Variants in IPCEF1 observed in about 807,000 individuals in gnomAD.
The protein encoded by IPCEF1 is interactor protein for cytohesin exchange factors 1.
IPCEF1 carries 31 observed loss-of-function variants against 50.9 expected under a neutral mutation model. The observed-to-expected ratio is 0.61, with a 90% CI of 0.46 to 0.82. The LOEUF is 0.82. IPCEF1 is among the 40% of genes least tolerant of loss of function. IPCEF1 has a pLI of 0.00. For synonymous variants in IPCEF1, 181 were observed against 192.0 expected (o/e 0.94, Z 0.47); for missense variants, 458 against 514.0 (o/e 0.89, Z 1.05).
chr6:154,283,110 A>G (rs1046991224), intron 2 of IPCEF1, among the ~76,000 whole-genome samples: 4 of 151,978 alleles, frequency 2.6e-5, no homozygotes, highest in South Asian at 2.1e-4. Context: ...CCTGGTCAAC[A>G]TGGTGAAACC....
At chr6:154,282,922 A>G (rs2128665064) in intron 2 of IPCEF1, among the ~76,000 whole-genome samples, 1 of 152,296 alleles carries the variant, frequency 6.6e-6, no homozygotes, top group Admixed American at 6.5e-5. Flanking sequence ...AAGCCAAAAC[A>G]GCAGGAAGCA....
At chr6:154,301,934 G>C (rs1222843748) in intron 1 of IPCEF1, among the ~76,000 whole-genome samples, 1 of 152,194 alleles carries the variant, frequency 6.6e-6, no homozygotes. Context: ...AATAAACAGC[G>C]TGGTGCCTGA....
At chr6:154,279,618 C>T (rs1282313582) in intron 2 of IPCEF1, among the ~76,000 whole-genome samples, 2 of 152,208 alleles carry the variant, frequency 1.3e-5, no homozygotes, top group Non-Finnish European at 2.9e-5. Context: ...ATTGAAAATA[C>T]TGTCATTTCC....
At chr6:154,214,986 T>C (rs1778270431) in intron 7 of IPCEF1, among the ~76,000 whole-genome samples, 1 of 152,200 alleles carries the variant, frequency 6.6e-6, no homozygotes, top group Admixed American at 6.5e-5. Context: ...AACACAAATT[T>C]TTAAAAGCTG....
At chr6:154,237,879 T>C (rs184103057) in intron 5 of IPCEF1, among the ~76,000 whole-genome samples, 113 of 152,318 alleles carry the variant, frequency 7.4e-4, no homozygotes, top group African/African-American at 2.5e-3. Context: ...TCAATACTTA[T>C]ACATTTATGC....
intron 5 of IPCEF1, among the ~76,000 whole-genome samples, chr6:154,223,600 C>A (rs182213944): frequency 4.4e-4 from 67 of 152,308 alleles, no homozygotes; most frequent in African/African-American, 1.5e-3. Flanking sequence ...ACAGCATCTT[C>A]TATTCCTACG....
At chr6:154,220,343 C>A (rs550626232) in intron 7 of IPCEF1, among the ~76,000 whole-genome samples, 1 of 152,318 alleles carries the variant, frequency 6.6e-6, no homozygotes, top group African/African-American at 2.4e-5. Context: ...CAATCAGCAC[C>A]TCAAATACAG....
chr6:154,252,360 T>C (rs1393285428), intron 3 of IPCEF1, among the ~76,000 whole-genome samples: 1 of 152,108 alleles, frequency 6.6e-6, no homozygotes, highest in Non-Finnish European at 1.5e-5. Flanking sequence ...CTTCCAGTAC[T>C]GTCAGTGTGA....
At chr6:154,340,909 A>G (rs550869454) in intron 1 of IPCEF1, among the ~76,000 whole-genome samples, 10 of 107,384 alleles carry the variant, frequency 9.3e-5, no homozygotes, top group African/African-American at 2.9e-4. Flanking sequence ...AAATATATAT[A>G]TGTGTGTATA....
intron 1 of IPCEF1, among the ~76,000 whole-genome samples, chr6:154,312,273 G>A (rs1006247671): frequency 1.3e-5 from 2 of 152,186 alleles, no homozygotes; most frequent in Non-Finnish European, 1.5e-5. Context: ...GTCAAACCTA[G>A]AGAAACAGGG....
chr6:154,268,862 C>A (rs565524622), intron 2 of IPCEF1, among the ~76,000 whole-genome samples: 88 of 151,936 alleles, frequency 5.8e-4, no homozygotes, highest in African/African-American at 2.0e-3. Context: ...TCTAATTTTT[C>A]AACTCTCTGA....
At chr6:154,335,973 T>C (rs940272231) in intron 1 of IPCEF1, among the ~76,000 whole-genome samples, 11 of 152,228 alleles carry the variant, frequency 7.2e-5, no homozygotes, top group African/African-American at 2.4e-4. Context: ...CAATGAAATA[T>C]CATCGCATGC....
At chr6:154,282,415 G>T (rs1782241113) in intron 2 of IPCEF1, among the ~76,000 whole-genome samples, 2 of 152,300 alleles carry the variant, frequency 1.3e-5, no homozygotes, top group South Asian at 4.1e-4. Flanking sequence ...GGGCGCGGTG[G>T]CTCACGCCTG....
chr6:154,320,199 A>G lies in IPCEF1; in HGVS notation c.-61-30443T>C, dbSNP rs116306852. 5.4e-3 allele frequency among the ~76,000 whole-genome samples: 828 copies of G among 152,346 alleles called. 8 individuals carry two copies. The highest frequency in any genetic ancestry group is 0.019 in the African/African-American group (790 of 41,590). ...CCAAAACTCCTGAATTATAAATCCT[A>G]GACGCTAACCATGTAGTTCATAACT... On this transcript the variant is annotated intron_variant, in intron 1 of 11. Transcript: ENST00000367220.
chr6:154,257,342 A>C (rs191333585), intron 3 of IPCEF1, among the ~76,000 whole-genome samples: 118 of 152,278 alleles, frequency 7.7e-4, no homozygotes, highest in Non-Finnish European at 1.9e-4. Context: ...TTACACCCCT[A>C]TCCCTTAACC....
At chr6:154,333,932 G>GAAAT (rs1178809473) in intron 1 of IPCEF1, among the ~76,000 whole-genome samples, 1 of 152,062 alleles carries the variant, frequency 6.6e-6, no homozygotes, top group Non-Finnish European at 1.5e-5. Flanking sequence ...TTAGGAGAGA[G>GAAAT]AAATAAATAA....
intron 10 of IPCEF1, among the ~76,000 whole-genome samples, chr6:154,169,467 G>T (rs756942229): frequency 3.9e-5 from 6 of 152,130 alleles, no homozygotes; most frequent in African/African-American, 2.4e-5. Flanking sequence ...CATGCAAGTC[G>T]ACAAATATCT....
chr6:154,304,374 A>C (rs1782877830), intron 1 of IPCEF1, among the ~76,000 whole-genome samples: 1 of 152,248 alleles, frequency 6.6e-6, no homozygotes, highest in Non-Finnish European at 1.5e-5. Context: ...CATGTTGAGA[A>C]TACTTCCTGA....
chr6:154,191,146 G>A (rs1000992180), intron 10 of IPCEF1, among the ~76,000 whole-genome samples: 10 of 152,154 alleles, frequency 6.6e-5, no homozygotes, highest in African/African-American at 2.2e-4. Flanking sequence ...TCTGAAAAGG[G>A]TACATACCAT....
Sources: gnomAD v4.1 joint callset for allele counts (sites outside exome capture counted in the v4.1 genomes callset) on GRCh38, gnomAD v4.1.1 for gene constraint, MANE v1.5 for transcripts, NCBI Gene and HGNC (gene_info 2026-07-23, HGNC 2026-07-21) for gene names.